Variants in ATAD3B observed in about 807,000 individuals in gnomAD.
The protein encoded by ATAD3B is ATPase family AAA domain containing 3B, also known as ATPase family AAA domain-containing protein 3B.
A neutral mutation model predicts 70.2 loss-of-function variants in ATAD3B; 59 were observed. That is an observed-to-expected ratio of 0.84 (90% CI 0.68 to 1.04). The LOEUF (loss-of-function observed/expected upper bound fraction) is 1.04. Ranked by LOEUF, ATAD3B falls within the 50% of genes least tolerant of loss-of-function variation. The pLI is 0.00. For missense variants in ATAD3B, 961 were observed against 913.4 expected, an observed-to-expected ratio of 1.05 and a Z score of -0.67; for synonymous variants, 423 against 388.6, an observed-to-expected ratio of 1.09 and a Z score of -1.04.
Position 1,495,975 on chromosome 1 carries a change from A to G in ATAD3B, c.*158A>G. On this transcript the variant is annotated 3_prime_UTR_variant, in exon 16 of 16. Coordinates refer to ENST00000673477, the MANE Select transcript of ATAD3B (RefSeq NM_031921.6). ...GTGCTGGCTGAGCCCCTGGGGCAGA[A>G]GGAGTGGGGCAGGCGGGGTCTTTGT... is the stretch of plus-strand genomic sequence containing the variant. 7.2e-7 allele frequency: 1 copy of G among 1,384,350 alleles called. No individual in the cohort carries two copies. The highest frequency in any genetic ancestry group is 9.3e-7 in the Non-Finnish European group (1 of 1,071,964). The allele number at this position is 1,384,350 out of a possible 1,614,324, so 85.8% of individuals were successfully genotyped here.
At chr1:1,479,732 C>T (rs1377302713) in intron 4 of ATAD3B, among the ~76,000 whole-genome samples, 3 of 144,478 alleles carry the variant, frequency 2.1e-5, no homozygotes, top group Non-Finnish European at 3.0e-5. Flanking sequence ...CACACACACC[C>T]GATCACACAT....
chr1:1,489,348 C>T lies in ATAD3B; in HGVS notation c.1337+74C>T, dbSNP rs547580647. ...GTCGCCCTTGGTTCCCACTGAGGGT[C>T]CCTGGCTCACAGTGCTGGGCACCAG... On this transcript the variant is annotated intron_variant, in intron 13 of 15. Transcript: ENST00000673477. The T allele has an allele frequency of 9.4e-6, 15 of 1,603,868 alleles. No homozygotes were observed. The South Asian group carries it at 1.1e-4, about 12-fold the overall frequency.
Position 1,495,509 on chromosome 1 carries a change from G to C in ATAD3B, c.1639G>C (p.Gly547Arg), listed in dbSNP as rs1240262257. ...GGCCACGGCATATGCCTCCAAGGACGGGGTCCTCACTGAGGCCATGATGGA... is the reference window on the plus strand; with the variant it reads ...GGCCACGGCATATGCCTCCAAGGACCGGGTCCTCACTGAGGCCATGATGGA... The part of the protein sequence containing the change: ...WQATAYASKD[G>R]VLTEAMMDAC... The change falls in exon 16 of 16, where the codon GGG becomes CGG. Residue 547 changes from glycine to arginine, a missense_variant. By Grantham distance (125) the Gly-to-Arg change is moderately radical. This residue lies in a region of ATAD3B where 417 missense variants were observed against 335.0 expected (regional missense o/e 1.24). Coordinates refer to ENST00000673477, the MANE Select transcript of ATAD3B (RefSeq NM_031921.6). 2 of 1,609,754 alleles carry C rather than the reference G, an allele frequency of 1.2e-6. No individual in the cohort carries two copies. Among genetic ancestry groups the C allele is most frequent in the African/African-American group, 1.3e-5 (1 of 74,964 alleles).
the ATAD3B span, chr1:1,503,497 T>G: frequency 7.3e-7 from 1 of 1,374,924 alleles, no homozygotes; most frequent in African/African-American, 1.4e-5. Context: ...TGGCCGTGGA[T>G]TCCAGAAAGC....
chr1:1,478,200 T>G (rs1639700347), intron 2 of ATAD3B: 1 of 352,232 alleles, frequency 2.8e-6, no homozygotes, highest in Non-Finnish European at 5.2e-6. Flanking sequence ...GTTCAGCATG[T>G]TGTCCAGGTT....
rs860213 is a variant in ATAD3B, at chr1:1,486,611, G to C, written c.1157G>C (p.Arg386Pro). 4.4e-6 allele frequency: 7 copies of C among 1,603,344 alleles called. No individual in the cohort carries two copies. In the African/African-American group the frequency reaches 1.0e-4, roughly 23 times the overall value. The stretch of plus-strand genomic sequence containing the variant: ...GGCGGGGACGTGGCCCCCATGGGGC[G>C]GGAAGGCGTGACCGCCATGCACAAG... Reference protein sequence around the residue: ...MTGGDVAPMGREGVTAMHKLF... With the variant: ...MTGGDVAPMGPEGVTAMHKLF... Residue 386 changes from arginine (R) to proline (P), a missense_variant, in exon 11 of 16, where the codon CGG becomes CCG. Physicochemically the swap from Arg to Pro is moderately radical, Grantham distance 103 (BLOSUM62 -2). Transcript: ENST00000673477.
Position 1,480,119 on chromosome 1 carries a change from G to A in ATAD3B, c.445-748G>A, listed in dbSNP as rs1196164674. ...CCGCCGCAAACACACACACGGGCACGTGTACGCACCCCCACTCACAGTGTG... is the reference window on the plus strand; with the variant it reads ...CCGCCGCAAACACACACACGGGCACATGTACGCACCCCCACTCACAGTGTG... On this transcript the variant is annotated intron_variant, in intron 4 of 15. Transcript: ENST00000673477. 4.2e-5 allele frequency among the ~76,000 whole-genome samples: 6 copies of A among 143,896 alleles called. 1 individual carries two copies. Among genetic ancestry groups the A allele is most frequent in the African/African-American group, 1.3e-4 (5 of 37,622 alleles). 94.4% of individuals were successfully genotyped at this position (143,896 alleles called of 152,430 possible).
chr1:1,493,652 T>G (rs1400527142), intron 15 of ATAD3B, among the ~76,000 whole-genome samples: 4 of 151,806 alleles, frequency 2.6e-5, no homozygotes, highest in African/African-American at 7.3e-5. Flanking sequence ...AAAAGTGTGT[T>G]GAATTTTGTC....
At chr1:1,489,095 T>C (rs1463418515) in intron 12 of ATAD3B, 109 bp from the exon 13 acceptor site, 5 of 1,559,118 alleles carry the variant, frequency 3.2e-6, no homozygotes, top group African/African-American at 1.4e-5. Context: ...TCCATGAAAG[T>C]GTCGCCACGT....
intron 15 of ATAD3B, among the ~76,000 whole-genome samples, chr1:1,494,166 C>T (rs146257197): frequency 0.018 from 2,782 of 150,496 alleles, 66 homozygotes; most frequent in African/African-American, 0.031. Flanking sequence ...TGGACCCACC[C>T]GCGACCAGGT....
intron 9 of ATAD3B, 82 bp from the exon 10 acceptor site, chr1:1,486,028 A>G (rs1640192994): frequency 6.2e-7 from 1 of 1,605,294 alleles, no homozygotes; most frequent in Non-Finnish European, 8.5e-7. Flanking sequence ...CAGAGTCCGC[A>G]CCCGGGCATT....
intron 5 of ATAD3B, among the ~76,000 whole-genome samples, chr1:1,481,701 A>G (rs1198913782): frequency 2.8e-5 from 4 of 145,002 alleles, no homozygotes; most frequent in Non-Finnish European, 6.1e-5. Context: ...TTCCTTCAGA[A>G]CTCCGCGTTC....
At chr1:1,472,787 T>C (rs1395019048) in intron 1 of ATAD3B, among the ~76,000 whole-genome samples, 1 of 152,054 alleles carries the variant, frequency 6.6e-6, no homozygotes, top group Non-Finnish European at 1.5e-5. Flanking sequence ...GCTGAATTCA[T>C]TGAAAGAATA....
At chr1:1,480,402 G>A (rs1311521814) in intron 4 of ATAD3B, among the ~76,000 whole-genome samples, 12 of 146,434 alleles carry the variant, frequency 8.2e-5, no homozygotes, top group Non-Finnish European at 1.3e-4. Flanking sequence ...GGTCAGTGGC[G>A]GCGGGCGGGT....
Position 1,497,158 on chromosome 1 carries a change from ACCTCTGCTCGCTCTCT to A in ATAD3B, c.*1344_*1359del, listed in dbSNP as rs1640821586. 6.6e-6 allele frequency: 1 copy of A among 151,326 alleles called. No homozygotes were observed. Among genetic ancestry groups the A allele is most frequent in the Admixed American group, 6.6e-5 (1 of 15,178 alleles). 9.4% of individuals were successfully genotyped at this position (151,326 alleles called of 1,614,324 possible). ...TGCAGTGCTTGGAGGGGGGCGGTCT[ACCTCTGCTCGCTCTCT>A]CCATTTCTCTCTCTACCTCTGCTCG... On this transcript the variant is annotated 3_prime_UTR_variant, in exon 16 of 16. Transcript: ENST00000673477.
At chr1:1,477,202 G>GT (rs1639636653) in intron 1 of ATAD3B, 72 bp from the exon 2 acceptor site, 10 of 1,578,314 alleles carry the variant, frequency 6.3e-6, no homozygotes. Flanking sequence ...TAGAGGTTGG[G>GT]TTTCACCATG....
the ATAD3B span, chr1:1,503,374 C>G: frequency 1.4e-5 from 8 of 578,630 alleles, no homozygotes; most frequent in South Asian, 1.9e-5. Context: ...CCCTGGAGGG[C>G]ATAAAACCTC....
At chr1:1,483,328 A>G (rs368182439) in intron 7 of ATAD3B, among the ~76,000 whole-genome samples, 38 of 151,668 alleles carry the variant, frequency 2.5e-4, no homozygotes, top group African/African-American at 9.2e-4. Flanking sequence ...TTAGCAGGCC[A>G]AGGTGGCGTG....
At chr1:1,477,595 G>A (rs1439813376) in intron 2 of ATAD3B, among the ~76,000 whole-genome samples, 5 of 151,748 alleles carry the variant, frequency 3.3e-5, no homozygotes, top group South Asian at 4.2e-4. Context: ...AGGGAGGGCC[G>A]GTGTTGGTGA....
Sources: gnomAD v4.1 joint callset for allele counts (sites outside exome capture counted in the v4.1 genomes callset) on GRCh38, gnomAD v4.1.1 for gene constraint, gnomAD v4.1.1 regional missense constraint, MANE v1.5 for transcripts, NCBI Gene and HGNC (gene_info 2026-07-23, HGNC 2026-07-21) for gene names.